Variants in KSR2 observed in about 807,000 individuals in gnomAD.
The protein encoded by KSR2 is kinase suppressor of ras 2.
KSR2 carries 25 observed loss-of-function variants against 107.8 expected under a neutral mutation model. The observed-to-expected ratio is 0.23, with a 90% CI of 0.17 to 0.32. KSR2 has a LOEUF of 0.32. KSR2 is among the 10% of genes least tolerant of loss of function. The pLI is 1.00. For synonymous variants in KSR2, 480 were observed against 507.0 expected (o/e 0.95, Z 0.71); for missense variants, 887 against 1,268.9 (o/e 0.70, Z 4.57).
chr12:117,825,009 G>A (rs766541186), intron 3 of KSR2, among the ~76,000 whole-genome samples: 2 of 151,944 alleles, frequency 1.3e-5, no homozygotes, highest in African/African-American at 2.4e-5. Flanking sequence ...GCGAAACCCT[G>A]TCTCTAGTAA....
intron 3 of KSR2, among the ~76,000 whole-genome samples, chr12:117,785,007 T>C (rs1438357679): frequency 6.6e-6 from 1 of 152,158 alleles, no homozygotes; most frequent in Non-Finnish European, 1.5e-5. Flanking sequence ...AAAATCAATA[T>C]TCTCCAGAAG....
chr12:117,788,194 T>C (rs1190541173), intron 3 of KSR2, among the ~76,000 whole-genome samples: 6 of 152,186 alleles, frequency 3.9e-5, no homozygotes, highest in Admixed American at 1.3e-4. Context: ...CAAATGCTAA[T>C]AGTTACCAAG....
chr12:117,763,258 T>C (rs939563667), intron 3 of KSR2, among the ~76,000 whole-genome samples: 1 of 152,076 alleles, frequency 6.6e-6, no homozygotes. Context: ...CCATGGTGTA[T>C]ATGTGCCACA....
chr12:117,535,382 G>C (rs1179901600), intron 10 of KSR2, among the ~76,000 whole-genome samples: 1 of 152,140 alleles, frequency 6.6e-6, no homozygotes, highest in Non-Finnish European at 1.5e-5. Context: ...TGATGGAGGA[G>C]ACAGACACTT....
At chr12:117,590,149 G>A (rs1880237271) in intron 5 of KSR2, among the ~76,000 whole-genome samples, 1 of 152,234 alleles carries the variant, frequency 6.6e-6, no homozygotes, top group Non-Finnish European at 1.5e-5. Context: ...CTAAGCTATT[G>A]AGACTATGGC....
chr12:117,539,651 C>T (rs1876326198), intron 10 of KSR2, 68 bp downstream of exon 10: 5 of 1,431,774 alleles, frequency 3.5e-6, no homozygotes, highest in Middle Eastern at 2.5e-4. Flanking sequence ...CTGGCATGAA[C>T]CCACCCCCTC....
intron 4 of KSR2, among the ~76,000 whole-genome samples, chr12:117,698,452 A>C (rs1054699228): frequency 6.6e-6 from 1 of 151,848 alleles, no homozygotes; most frequent in Non-Finnish European, 1.5e-5. Context: ...AGTAGCTGGG[A>C]CTATGGGCAT....
chr12:117,605,845 C>T (rs1023355571), intron 5 of KSR2, among the ~76,000 whole-genome samples: 1 of 152,080 alleles, frequency 6.6e-6, no homozygotes, highest in Non-Finnish European at 1.5e-5. Flanking sequence ...AATCTGGAAA[C>T]GATTATCCTC....
intron 5 of KSR2, among the ~76,000 whole-genome samples, chr12:117,640,112 C>T (rs1593080777): frequency 6.6e-6 from 1 of 152,294 alleles, no homozygotes; most frequent in Non-Finnish European, 1.5e-5. Context: ...ATTCAATATG[C>T]ATTCCATCAT....
chr12:117,590,074 A>G (rs1291809022), intron 5 of KSR2, among the ~76,000 whole-genome samples: 1 of 152,262 alleles, frequency 6.6e-6, no homozygotes, highest in Non-Finnish European at 1.5e-5. Context: ...AAGAGATCAT[A>G]TACAGGGATT....
chr12:117,485,277 G>A (rs761378473), intron 15 of KSR2, among the ~76,000 whole-genome samples: 5 of 152,192 alleles, frequency 3.3e-5, no homozygotes, highest in Admixed American at 6.5e-5. Context: ...TCAAGGACTC[G>A]AAGGATGGTG....
chr12:117,523,574 G>T (rs772096009), intron 14 of KSR2, among the ~76,000 whole-genome samples: 5 of 152,226 alleles, frequency 3.3e-5, no homozygotes, highest in African/African-American at 7.2e-5. Context: ...CGCAATGTTA[G>T]TTCTCTATGA....
intron 5 of KSR2, among the ~76,000 whole-genome samples, chr12:117,588,504 T>A (rs1400588): frequency 0.41 from 62,583 of 152,032 alleles, 14,586 homozygotes; most frequent in African/African-American, 0.65. Context: ...GGATCTGCTC[T>A]AAGAATATTA....
At chr12:117,707,704 G>A (rs1481627231) in intron 4 of KSR2, among the ~76,000 whole-genome samples, 2 of 152,182 alleles carry the variant, frequency 1.3e-5, no homozygotes, top group Non-Finnish European at 2.9e-5. Flanking sequence ...GGAAAATCTT[G>A]AAGACAAACA....
chr12:117,777,175 C>CTATATATATATATATATATATATATA (rs56862811), intron 3 of KSR2, among the ~76,000 whole-genome samples: 37 of 136,790 alleles, frequency 2.7e-4, no homozygotes, highest in African/African-American at 1.0e-3. Flanking sequence ...CATATATACA[C>CTATATATATATATATATATATATATA]TATATATATA....
At chr12:117,900,017 T>G (rs749983591) in intron 1 of KSR2, among the ~76,000 whole-genome samples, 1 of 152,174 alleles carries the variant, frequency 6.6e-6, no homozygotes, top group Non-Finnish European at 1.5e-5. Flanking sequence ...CAGTCCAGCC[T>G]TCAGATGAGA....
At chr12:117,471,147 T>C in intron 18 of KSR2, 44 bp downstream of exon 18, 1 of 1,607,872 alleles carries the variant, frequency 6.2e-7, no homozygotes, top group Non-Finnish European at 8.5e-7. Flanking sequence ...ACTGTGTCTG[T>C]GTCTCCCCTC....
rs1566105107 is a variant in KSR2 at position 117,968,306 on chromosome 12, G to GGC, written c.-52_-51insGC. ...TCCTCCTCCTCCCAGAGAGAAAAAA[G>GGC]AGGGGGGGGAGTAGAGGTAGTCTAC... On this transcript the variant is annotated 5_prime_UTR_variant, in exon 1 of 20. Transcript: ENST00000339824. 6.4e-5 allele frequency: 70 copies of GGC among 1,092,664 alleles called. 1 individual carries two copies. Among genetic ancestry groups the GGC allele is most frequent in the African/African-American group, 1.2e-4 (3 of 24,482 alleles). The allele number at this position is 1,092,664 out of a possible 1,614,324, so 67.7% of individuals were successfully genotyped here.
At chr12:117,831,909 C>A (rs776135307) in intron 3 of KSR2, among the ~76,000 whole-genome samples, 28 of 152,350 alleles carry the variant, frequency 1.8e-4, no homozygotes, top group Middle Eastern at 3.4e-3. Context: ...ACTGCCATAA[C>A]CTTTAGGAAC....
Sources: gnomAD v4.1 joint callset for allele counts (sites outside exome capture counted in the v4.1 genomes callset) on GRCh38, gnomAD v4.1.1 for gene constraint, MANE v1.5 for transcripts, NCBI Gene and HGNC (gene_info 2026-07-23, HGNC 2026-07-21) for gene names.